Variants in ORC4 observed in about 807,000 individuals in gnomAD.
The protein encoded by ORC4 is origin recognition complex subunit 4.
Under a neutral mutation model 63.9 loss-of-function variants are expected in ORC4, and 55 were observed. The ratio of observed to expected loss-of-function variants is 0.86; its 90% CI spans 0.69 to 1.08. The LOEUF (loss-of-function observed/expected upper bound fraction) is 1.08, where lower values mean the gene tolerates loss of function less well. Among genes scored for constraint, ORC4 ranks in the 50% least tolerant of loss-of-function variants. The pLI is 0.00. For missense variants in ORC4, 511 were observed against 504.4 expected, an observed-to-expected ratio of 1.01 and a Z score of -0.13; for synonymous variants, 150 against 168.5, an observed-to-expected ratio of 0.89 and a Z score of 0.85.
At chr2:147,953,168 AT>A (rs1456340659) in intron 7 of ORC4, among the ~76,000 whole-genome samples, 5 of 136,142 alleles carry the variant, frequency 3.7e-5, no homozygotes, top group Admixed American at 1.4e-4. Flanking sequence ...CATCTCTGCT[AT>A]TAAAAAAAAA....
At chr2:148,009,023 G>A (rs1692791161) in intron 1 of ORC4, among the ~76,000 whole-genome samples, 1 of 152,050 alleles carries the variant, frequency 6.6e-6, no homozygotes, top group African/African-American at 2.4e-5. Flanking sequence ...GGATGGAGTA[G>A]AAGTGTACAG....
intron 1 of ORC4, among the ~76,000 whole-genome samples, chr2:148,002,610 G>T (rs186080933): frequency 6.6e-6 from 1 of 152,136 alleles, no homozygotes; most frequent in Non-Finnish European, 1.5e-5. Flanking sequence ...CACAGCTAAA[G>T]CAGTGTGTAG....
chr2:147,983,358 C>T (rs1691001964), intron 1 of ORC4, among the ~76,000 whole-genome samples: 1 of 152,206 alleles, frequency 6.6e-6, no homozygotes, highest in Non-Finnish European at 1.5e-5. Flanking sequence ...TCCACTGATG[C>T]TTTGTCACTG....
intron 1 of ORC4, among the ~76,000 whole-genome samples, chr2:148,016,946 AC>A (rs1693335120): frequency 6.6e-6 from 1 of 152,220 alleles, no homozygotes; most frequent in African/African-American, 2.4e-5. Flanking sequence ...ATCCCCCAAA[AC>A]ATTCTTCAAG....
At chr2:148,017,706 AT>A (rs1445323560) in intron 1 of ORC4, among the ~76,000 whole-genome samples, 1 of 152,222 alleles carries the variant, frequency 6.6e-6, no homozygotes, top group Non-Finnish European at 1.5e-5. Context: ...TTAAAAAATA[AT>A]AATTTAATAA....
At position 147,948,104 on chromosome 2, in the gene ORC4, G is replaced by T; in HGVS notation, c.709C>A (p.Pro237Thr). The change falls in exon 9 of 14, where the codon CCT (proline) becomes ACT (threonine). Residue 237 changes from proline to threonine, a missense_variant. Pro to Thr is a conservative substitution (Grantham distance 38, BLOSUM62 -1). Coordinates refer to ENST00000392857, the MANE Select transcript of ORC4 (RefSeq NM_181741.4). ...VKIFKEQLSL[P>T]AEFPDKVFAE... Reference sequence around the variant, plus strand: ...AAAACCTTGTCTGGAAACTCTGCAGGTAGAGATAACTGTTCTTTAAATATT... The same window carrying T: ...AAAACCTTGTCTGGAAACTCTGCAGTTAGAGATAACTGTTCTTTAAATATT... The T allele has an allele frequency of 1.9e-6, 3 of 1,611,728 alleles. No individual in the cohort carries two copies. Among genetic ancestry groups the T allele is most frequent in the Middle Eastern group, 1.7e-4 (1 of 6,046 alleles).
intron 1 of ORC4, among the ~76,000 whole-genome samples, chr2:147,981,559 G>A (rs1373199720): frequency 6.6e-6 from 1 of 152,112 alleles, no homozygotes; most frequent in African/African-American, 2.4e-5. Flanking sequence ...AATGAAAGCA[G>A]ATTTTAAATT....
chr2:147,953,273 C>A (rs1689065203), intron 7 of ORC4, among the ~76,000 whole-genome samples: 2 of 152,004 alleles, frequency 1.3e-5, no homozygotes, highest in Admixed American at 1.3e-4. Flanking sequence ...CCATTGTATT[C>A]TAGCCTGGGC....
chr2:147,948,167 G>GT lies in ORC4; in HGVS notation c.645dup (p.His216ThrfsTer13). ...GGAAAACCAAATGAATTCATTAAGT[G>GT]TATCTGCCGGTGAGAAAATCTTGAC... On this transcript the variant is annotated frameshift_variant, in exon 9 of 14. Coordinates refer to ENST00000392857, the MANE Select transcript of ORC4 (RefSeq NM_181741.4). LOFTEE classifies it high-confidence loss of function. 1 of 1,609,694 alleles carries GT rather than the reference G, an allele frequency of 6.2e-7. No homozygotes were observed. Among genetic ancestry groups the GT allele is most frequent in the Non-Finnish European group, 8.5e-7 (1 of 1,176,920 alleles).
chr2:147,985,947 T>C (rs1691177425), intron 1 of ORC4, among the ~76,000 whole-genome samples: 1 of 152,126 alleles, frequency 6.6e-6, no homozygotes, highest in African/African-American at 2.4e-5. Flanking sequence ...CATCAGAAAG[T>C]TCATCAAAAT....
At chr2:148,012,050 C>T (rs1027930178) in intron 1 of ORC4, among the ~76,000 whole-genome samples, 2 of 152,076 alleles carry the variant, frequency 1.3e-5, no homozygotes, top group African/African-American at 2.4e-5. Context: ...TCAAAGCCAT[C>T]CCTATCAAGA....
intron 8 of ORC4, among the ~76,000 whole-genome samples, chr2:147,950,564 A>G (rs529859920): frequency 2.0e-5 from 3 of 152,232 alleles, no homozygotes; most frequent in Admixed American, 1.3e-4. Context: ...CAGGAGTTCG[A>G]GAGCAGCCTG....
chr2:147,972,302 G>C (rs1215022319), intron 4 of ORC4, among the ~76,000 whole-genome samples: 1 of 152,060 alleles, frequency 6.6e-6, no homozygotes, highest in Non-Finnish European at 1.5e-5. Flanking sequence ...AAGAATGCAT[G>C]ATATGATAGT....
intron 1 of ORC4, among the ~76,000 whole-genome samples, chr2:147,994,372 A>T (rs1691805994): frequency 6.6e-6 from 1 of 152,228 alleles, no homozygotes; most frequent in Non-Finnish European, 1.5e-5. Context: ...GTATACACAG[A>T]AAGACCCAGG....
chr2:148,017,675 G>C (rs1441402921), intron 1 of ORC4, among the ~76,000 whole-genome samples: 2 of 152,036 alleles, frequency 1.3e-5, no homozygotes, highest in African/African-American at 4.8e-5. Flanking sequence ...CCATCTCCAG[G>C]GGGGAAAAAA....
intron 4 of ORC4, among the ~76,000 whole-genome samples, chr2:147,970,837 T>C (rs1690170277): frequency 6.6e-6 from 1 of 152,118 alleles, no homozygotes. Flanking sequence ...ATTAGATTAT[T>C]AAGATCAAAG....
intron 4 of ORC4, among the ~76,000 whole-genome samples, chr2:147,964,937 ACT>A (rs1284978918): frequency 6.6e-6 from 1 of 152,194 alleles, no homozygotes; most frequent in Non-Finnish European, 1.5e-5. Flanking sequence ...GAATGAAAGA[ACT>A]GTCAGCTAAG....
chr2:147,987,032 A>G (rs1691244896), intron 1 of ORC4, among the ~76,000 whole-genome samples: 1 of 152,066 alleles, frequency 6.6e-6, no homozygotes, highest in African/African-American at 2.4e-5. Context: ...AAGGAACTTA[A>G]AACTATTTTT....
chr2:148,007,466 C>T (rs1692705524), intron 1 of ORC4, among the ~76,000 whole-genome samples: 1 of 152,072 alleles, frequency 6.6e-6, no homozygotes, highest in Non-Finnish European at 1.5e-5. Context: ...ATGCATCAGT[C>T]TCAACAGCAG....
Sources: gnomAD v4.1 joint callset for allele counts (sites outside exome capture counted in the v4.1 genomes callset) on GRCh38, gnomAD v4.1.1 for gene constraint, MANE v1.5 for transcripts, NCBI Gene and HGNC (gene_info 2026-07-23, HGNC 2026-07-21) for gene names.